GSDMA: variants seen among roughly 807,000 people sequenced by gnomAD.
GSDMA encodes gasdermin A.
A neutral mutation model predicts 54.3 loss-of-function variants in GSDMA; 55 were observed. That is an observed-to-expected ratio of 1.01 (90% confidence interval 0.82 to 1.27). The LOEUF (loss-of-function observed/expected upper bound fraction) is 1.27, where lower values mean the gene tolerates loss of function less well. Ranked by LOEUF, GSDMA falls within the 50% of genes most tolerant of loss-of-function variation. GSDMA has a pLI of 0.00. For synonymous variants in GSDMA, 211 were observed against 224.7 expected (o/e 0.94, Z 0.54); for missense variants, 542 against 542.6 (o/e 1.00, Z 0.01).
chr17:39,968,774 T>C (rs1481230750), intron 3 of GSDMA, among the ~76,000 whole-genome samples: 4 of 152,158 alleles, frequency 2.6e-5, no homozygotes, highest in Admixed American at 2.6e-4. Context: ...GGCCTGGGCT[T>C]GGTAGCTGAT....
At chr17:39,972,065 T>C in intron 5 of GSDMA, 64 bp from the exon 6 acceptor site, 1 of 1,152,830 alleles carries the variant, frequency 8.7e-7, no homozygotes. Flanking sequence ...GGCTTGAGAC[T>C]GAAGAAGGGA....
At position 39,967,703 on chromosome 17, in the gene GSDMA, G is replaced by A. The variant is rs555089758; in HGVS notation, c.392+1266G>A. ...CTTTTTTTGTTTGAAACAGTTTTTC[G>A]CTCTTGTTGCCCAGGCTGGAGTGCA... On this transcript the variant is annotated intron_variant, in intron 3 of 11. Coordinates refer to ENST00000301659, the MANE Select transcript of GSDMA (RefSeq NM_178171.5). 6.6e-5 allele frequency among the ~76,000 whole-genome samples: 10 copies of A among 152,210 alleles called. No homozygotes were observed. The East Asian group carries it at 7.7e-4, about 12-fold the overall frequency.
At chr17:39,968,941 G>A (rs1287558065) in intron 3 of GSDMA, among the ~76,000 whole-genome samples, 1 of 152,164 alleles carries the variant, frequency 6.6e-6, no homozygotes, top group Non-Finnish European at 1.5e-5. Flanking sequence ...GATGTTTTGA[G>A]TTTCTGGTTC....
intron 9 of GSDMA, 59 bp downstream of exon 9, chr17:39,974,486 G>C: frequency 6.7e-7 from 1 of 1,493,366 alleles, no homozygotes; most frequent in Non-Finnish European, 9.0e-7. Context: ...TGAAGATTTG[G>C]TGGGGGCGGG....
At chr17:39,968,206 A>G (rs1979756011) in intron 3 of GSDMA, among the ~76,000 whole-genome samples, 1 of 151,740 alleles carries the variant, frequency 6.6e-6, no homozygotes, top group Non-Finnish European at 1.5e-5. Context: ...CACCCGGCTA[A>G]TTTTTGTATT....
intron 7 of GSDMA, among the ~76,000 whole-genome samples, chr17:39,973,272 CT>C (rs113462964): frequency 2.2e-4 from 31 of 143,182 alleles, no homozygotes; most frequent in Middle Eastern, 3.8e-3. Flanking sequence ...GGCGCCTGGC[CT>C]TTTTTTTTTT....
rs60315845 is a variant in GSDMA at position 39,968,339 on chromosome 17, CTTTTT to C, written c.392+1924_392+1928del. Among the ~76,000 whole-genome samples, 16 of 41,362 alleles carry C rather than the reference CTTTTT, an allele frequency of 3.9e-4. No individual in the cohort carries two copies. In the Admixed American group the frequency reaches 3.9e-3, roughly 10 times the overall value. The allele number at this position is 41,362 out of a possible 152,430, so 27.1% of individuals were successfully genotyped here. A position where few individuals can be genotyped will look rare whatever the true frequency, so the allele number is the denominator to read the frequency against. On this transcript the variant is annotated intron_variant, in intron 3 of 11. Transcript: ENST00000301659. The stretch of plus-strand genomic sequence containing the variant: ...ACAGGCGTGAGCCACTGAGCCCGGT[CTTTTT>C]TTTTTTTTTTTTTTTTTTTTTGAGA...
chr17:39,966,441 A>C lies in GSDMA; in HGVS notation c.392+4A>C, dbSNP rs1171971012. The C allele has an allele frequency of 6.3e-7, 1 of 1,594,698 alleles. No individual in the cohort carries two copies. The highest frequency in any genetic ancestry group is 2.2e-5 in the East Asian group (1 of 44,590). On this transcript the variant is annotated splice_donor_region_variant and intron_variant, in intron 3 of 11. Transcript: ENST00000301659. Reference sequence around the variant, plus strand: ...CCCTGGAGACCGTGCAGGAGAGGTGAGAGTGGGCGGGACTGAGGGTCTCCC... The same window carrying C: ...CCCTGGAGACCGTGCAGGAGAGGTGCGAGTGGGCGGGACTGAGGGTCTCCC...
intron 3 of GSDMA, among the ~76,000 whole-genome samples, chr17:39,969,623 G>A (rs1326910894): frequency 6.6e-6 from 1 of 152,098 alleles, no homozygotes; most frequent in African/African-American, 2.4e-5. Flanking sequence ...AGTTAGGCGA[G>A]GTCATTGAGA....
rs1980190057 is a variant in GSDMA at position 39,976,133 on chromosome 17, C to T, written c.1095+136C>T. 14 of 575,882 alleles carry T rather than the reference C, an allele frequency of 2.4e-5. No homozygotes were observed. The East Asian group carries it at 4.2e-4, about 17-fold the overall frequency. The allele number at this position is 575,882 out of a possible 1,614,324, so 35.7% of individuals were successfully genotyped here. On this transcript the variant is annotated intron_variant, in intron 11 of 11. Transcript: ENST00000301659. ...AGGGGCTTATGCCCACTCCTCCTTT[C>T]TCTCTCTATTTCTCATTTTTTGTTA...
At chr17:39,971,881 A>C (rs1419784570) in intron 5 of GSDMA, among the ~76,000 whole-genome samples, 2 of 152,194 alleles carry the variant, frequency 1.3e-5, no homozygotes, top group African/African-American at 4.8e-5. Context: ...GCTCTCAAGA[A>C]GTCTGTGGCC....
chr17:39,974,217 G>T, intron 8 of GSDMA, 56 bp from the exon 9 acceptor site: 1 of 1,531,252 alleles, frequency 6.5e-7, no homozygotes, highest in Admixed American at 2.0e-5. Context: ...GGGGAATGCT[G>T]ACTGGAGAGG....
At chr17:39,969,809 G>A (rs914764440) in intron 3 of GSDMA, among the ~76,000 whole-genome samples, 2 of 151,868 alleles carry the variant, frequency 1.3e-5, no homozygotes, top group Non-Finnish European at 2.9e-5. Flanking sequence ...AGCCAAGATC[G>A]TGCCACTGCA....
At chr17:39,969,838 A>G (rs1314916417) in intron 3 of GSDMA, among the ~76,000 whole-genome samples, 1 of 151,846 alleles carries the variant, frequency 6.6e-6, no homozygotes, top group Admixed American at 6.6e-5. Flanking sequence ...TGGGTGACAG[A>G]GTGAGTGAGA....
chr17:39,965,280 A>C (rs1979590834), intron 1 of GSDMA, among the ~76,000 whole-genome samples: 1 of 139,520 alleles, frequency 7.2e-6, no homozygotes, highest in Non-Finnish European at 1.6e-5. Context: ...GAAGGAAGGA[A>C]GGAAGGAAAG....
chr17:39,977,267 C>A lies in GSDMA; in HGVS notation c.*209C>A, dbSNP rs1227519198. The A allele has an allele frequency of 1.5e-5, 7 of 461,288 alleles. No individual in the cohort carries two copies. The highest frequency in any genetic ancestry group is 2.7e-5 in the Non-Finnish European group (7 of 263,534). 28.6% of individuals were successfully genotyped at this position (461,288 alleles called of 1,614,324 possible). ...AACCCACTAAGCCCATCTGCTGATGCTTAAATTTTCTTTACTTTTCTTTTC... is the reference window on the plus strand; with the variant it reads ...AACCCACTAAGCCCATCTGCTGATGATTAAATTTTCTTTACTTTTCTTTTC... On this transcript the variant is annotated 3_prime_UTR_variant, in exon 12 of 12. Transcript: ENST00000301659.
chr17:39,964,975 A>G (rs1377548103), intron 1 of GSDMA, among the ~76,000 whole-genome samples: 2 of 151,758 alleles, frequency 1.3e-5, no homozygotes, highest in Non-Finnish European at 2.9e-5. Context: ...AAAAAATTTA[A>G]AAATTAGCCA....
intron 7 of GSDMA, among the ~76,000 whole-genome samples, chr17:39,973,323 G>A (rs905722910): frequency 1.5e-4 from 22 of 147,962 alleles, no homozygotes; most frequent in African/African-American, 5.5e-4. Flanking sequence ...AGACTGGAGT[G>A]CAAAGGTGAG....
rs1320008271 is a variant in GSDMA, at chr17:39,971,435, C to T, written c.559-89C>T. On this transcript the variant is annotated intron_variant, in intron 4 of 11. Transcript: ENST00000301659. The stretch of plus-strand genomic sequence containing the variant: ...TCTTATCTCCCTGAAGGCTCTCAGC[C>T]CTGACCCTGCACCTCCCCCAACTCA... The T allele has an allele frequency of 9.4e-6, 9 of 959,470 alleles. No individual in the cohort carries two copies. The Admixed American group carries it at 1.6e-4, about 17-fold the overall frequency. 59.4% of individuals were successfully genotyped at this position (959,470 alleles called of 1,614,324 possible).
Sources: gnomAD v4.1 joint callset for allele counts (sites outside exome capture counted in the v4.1 genomes callset) on GRCh38, gnomAD v4.1.1 for gene constraint, MANE v1.5 for transcripts, NCBI Gene and HGNC (gene_info 2026-07-23, HGNC 2026-07-21) for gene names.